UNC5A: variants seen among roughly 807,000 people sequenced by gnomAD.
UNC5A encodes netrin receptor UNC5A.
UNC5A carries 20 observed loss-of-function variants against 87.4 expected under a neutral mutation model. The observed-to-expected ratio is 0.23, with a 90% CI of 0.16 to 0.33. UNC5A has a LOEUF of 0.33. Among genes scored for constraint, UNC5A ranks in the 10% least tolerant of loss-of-function variants. The probability of loss-of-function intolerance (pLI) is 1.00; values close to 1 mark genes in which losing one functional copy is unlikely to be tolerated. For missense variants in UNC5A, 844 were observed against 1,133.4 expected (o/e 0.74, Z 3.67); for synonymous variants, 438 against 482.3 (o/e 0.91, Z 1.20).
intron 1 of UNC5A, among the ~76,000 whole-genome samples, chr5:176,857,500 G>GCACA (rs144381794): frequency 6.6e-6 from 1 of 151,170 alleles, no homozygotes; most frequent in Non-Finnish European, 1.5e-5. Flanking sequence ...CTACACACAC[G>GCACA]CACACACACA....
intron 10 of UNC5A, 56 bp downstream of exon 10, chr5:176,877,759 C>T (rs936230640): frequency 6.5e-7 from 1 of 1,537,424 alleles, no homozygotes; most frequent in Non-Finnish European, 8.8e-7. Context: ...CTGCACGCTC[C>T]ACCCGGCCTT....
chr5:176,878,726 C>G, intron 13 of UNC5A, 87 bp downstream of exon 13: 1 of 1,499,652 alleles, frequency 6.7e-7, no homozygotes, highest in South Asian at 1.3e-5. Context: ...CCCTGCCTGC[C>G]CTGCCACCCA....
chr5:176,870,230 G>C (rs1758076459), intron 5 of UNC5A, 140 bp from the exon 6 acceptor site: 1 of 1,058,046 alleles, frequency 9.5e-7, no homozygotes, highest in Admixed American at 2.7e-5. Context: ...TGCATCGTGG[G>C]CCTGGCCCTG....
Position 176,874,359 on chromosome 5 carries a change from A to G in UNC5A, c.1171A>G (p.Lys391Glu), listed in dbSNP as rs763567432. ...LCPRQDGPSPKFQLTNGHLLS... is the reference protein window; with the variant it reads ...LCPRQDGPSPEFQLTNGHLLS... ...TCCCCGGCAGGATGGGCCCAGCCCC[A>G]AGTTCCAGCTCACCAATGGGCACCT... The change falls in exon 8 of 15, where the codon AAG becomes GAG. Residue 391 changes from lysine (K) to glutamate (E), a missense_variant. Coordinates refer to ENST00000329542, the MANE Select transcript of UNC5A (RefSeq NM_133369.3). This position sits in a 1 kb window ranked among gnomAD's most constrained non-coding sequence, Gnocchi z 7.6. 8.7e-6 allele frequency: 14 copies of G among 1,613,528 alleles called. No individual in the cohort carries two copies. The highest frequency in any genetic ancestry group is 1.7e-5 in the Admixed American group (1 of 59,960).
rs1403464101 is a variant in UNC5A at position 176,810,717 on chromosome 5, C to G, written c.-34C>G. On this transcript the variant is annotated 5_prime_UTR_variant, in exon 1 of 15. Transcript: ENST00000329542. This position sits in a 1 kb window ranked among gnomAD's most constrained non-coding sequence, Gnocchi z 7.3. ...AGCCGCCCTCCCGCCCGCGGGGCCC[C>G]GCGCCCGGCCCGCCCGCCTGCCCGC... 2 of 990,596 alleles carry G rather than the reference C, an allele frequency of 2.0e-6. No individual in the cohort carries two copies. The highest frequency in any genetic ancestry group is 5.5e-5 in the Admixed American group (1 of 18,222). 61.4% of individuals were successfully genotyped at this position (990,596 alleles called of 1,614,324 possible).
chr5:176,825,826 A>G (rs908097692), intron 1 of UNC5A, among the ~76,000 whole-genome samples: 3 of 152,184 alleles, frequency 2.0e-5, no homozygotes, highest in African/African-American at 7.2e-5. Flanking sequence ...CTAGGTGACA[A>G]TGGCACCTGA....
chr5:176,846,543 T>C (rs1757407557), intron 1 of UNC5A, among the ~76,000 whole-genome samples: 1 of 152,196 alleles, frequency 6.6e-6, no homozygotes, highest in Admixed American at 6.5e-5. Context: ...CAGGAAGCCC[T>C]CCTGGATGCC....
At chr5:176,867,330 G>A (rs1469680775) in intron 2 of UNC5A, among the ~76,000 whole-genome samples, 1 of 152,184 alleles carries the variant, frequency 6.6e-6, no homozygotes, top group Admixed American at 6.5e-5. Context: ...ATGGCAGAAG[G>A]TGGGGGGCTG....
chr5:176,868,870 A>T lies in UNC5A; in HGVS notation c.627A>T (p.Arg209=). The change falls in exon 5 of 15, where the codon CGA becomes CGT. Residue 209 remains arginine, a synonymous_variant. Coordinates refer to ENST00000329542, the MANE Select transcript of UNC5A (RefSeq NM_133369.3). The part of the protein sequence containing the change: ...YITREHSLVV[R]QARLADTANY... The stretch of plus-strand genomic sequence containing the variant: ...CGCGGGAGCACAGCCTGGTGGTGCG[A>T]CAGGCCCGCCTTGCTGACACGGCCA... The T allele has an allele frequency of 6.2e-7, 1 of 1,612,894 alleles. No individual in the cohort carries two copies. The highest frequency in any genetic ancestry group is 8.5e-7 in the Non-Finnish European group (1 of 1,179,878).
chr5:176,858,121 T>G (rs560796321), intron 1 of UNC5A, among the ~76,000 whole-genome samples: 1 of 152,326 alleles, frequency 6.6e-6, no homozygotes, highest in South Asian at 2.1e-4. Context: ...ATGCCCGCAT[T>G]AAGCAGCCTT....
chr5:176,823,462 C>T (rs531058185), intron 1 of UNC5A, among the ~76,000 whole-genome samples: 8 of 152,104 alleles, frequency 5.3e-5, no homozygotes, highest in Non-Finnish European at 8.8e-5. Context: ...TAAAGCCAGC[C>T]GTGGCCCAGG....
In UNC5A at chr5:176,873,853, G is replaced by A. The variant is rs1171424141; in HGVS notation, c.887-115G>A. On this transcript the variant is annotated intron_variant, in intron 6 of 14. Coordinates refer to ENST00000329542, the MANE Select transcript of UNC5A (RefSeq NM_133369.3). The stretch of plus-strand genomic sequence containing the variant: ...CCCTGCCACAAGCGTCTGCTCCCTA[G>A]CTAGTGCAGATGCCCCGGGGTGCAG... The A allele has an allele frequency of 1.8e-5, 20 of 1,088,930 alleles. No individual in the cohort carries two copies. In the East Asian group the frequency reaches 4.1e-4, roughly 23 times the overall value. The allele number at this position is 1,088,930 out of a possible 1,614,324, so 67.5% of individuals were successfully genotyped here.
rs1465110314 is a variant in UNC5A at position 176,824,636 on chromosome 5, G to C, written c.70+13816G>C. Among the ~76,000 whole-genome samples, 1 of 152,166 alleles carries C rather than the reference G, an allele frequency of 6.6e-6. No individual in the cohort carries two copies. Among genetic ancestry groups the C allele is most frequent in the African/African-American group, 2.4e-5 (1 of 41,448 alleles). Reference sequence around the variant, plus strand: ...TCTCTTGAAAAAGCAAAAGATCTGGGCTGGGCCCAGCAAGCCCATTTTCCT... The same window carrying C: ...TCTCTTGAAAAAGCAAAAGATCTGGCCTGGGCCCAGCAAGCCCATTTTCCT... On this transcript the variant is annotated intron_variant, in intron 1 of 14. Transcript: ENST00000329542. This position sits in a 1 kb window ranked among gnomAD's most constrained non-coding sequence, Gnocchi z 4.2.
chr5:176,874,655 G>A lies in UNC5A; in HGVS notation c.1378+89G>A, dbSNP rs1418816196. ...GGACGTTCCTCTCGTGCCCCTCGGT[G>A]TCCCGTGACAGATCAGCAAGGAAAG... is the stretch of plus-strand genomic sequence containing the variant. On this transcript the variant is annotated intron_variant, in intron 8 of 14. Coordinates refer to ENST00000329542, the MANE Select transcript of UNC5A (RefSeq NM_133369.3). This position sits in a 1 kb window ranked among gnomAD's most constrained non-coding sequence, Gnocchi z 7.6. The A allele has an allele frequency of 7.1e-7, 1 of 1,404,884 alleles. No homozygotes were observed. Among genetic ancestry groups the A allele is most frequent in the Non-Finnish European group, 9.5e-7 (1 of 1,050,908 alleles). 87.0% of individuals were successfully genotyped at this position (1,404,884 alleles called of 1,614,324 possible).
At chr5:176,864,092 G>T (rs1047579942) in intron 2 of UNC5A, among the ~76,000 whole-genome samples, 3 of 151,878 alleles carry the variant, frequency 2.0e-5, no homozygotes, top group South Asian at 4.2e-4. Flanking sequence ...GGACAAGCAG[G>T]TGTCACCCAG....
chr5:176,831,387 A>C (rs1404688246), intron 1 of UNC5A, among the ~76,000 whole-genome samples: 1 of 151,986 alleles, frequency 6.6e-6, no homozygotes, highest in Non-Finnish European at 1.5e-5. Flanking sequence ...GGGACCTGGC[A>C]CCCCTTTTGT....
At chr5:176,850,547 G>T (rs944861920) in intron 1 of UNC5A, among the ~76,000 whole-genome samples, 1 of 152,106 alleles carries the variant, frequency 6.6e-6, no homozygotes, top group East Asian at 1.9e-4. Flanking sequence ...GGCGCAGGCA[G>T]CGAGGGTGGG....
chr5:176,876,336 C>T (rs896268040), intron 8 of UNC5A, among the ~76,000 whole-genome samples: 2 of 152,296 alleles, frequency 1.3e-5, no homozygotes, highest in African/African-American at 2.4e-5. Flanking sequence ...CCCTGCTCTG[C>T]GCTGCCCACG....
chr5:176,847,003 C>T (rs936037989), intron 1 of UNC5A, among the ~76,000 whole-genome samples: 4 of 152,114 alleles, frequency 2.6e-5, no homozygotes, highest in Admixed American at 6.5e-5. Context: ...CCACAGGGAG[C>T]GCCCCCGTCA....
Sources: allele counts gnomAD v4.1 joint callset (sites outside exome capture counted in the v4.1 genomes callset), GRCh38; gene constraint gnomAD v4.1.1; non-coding constraint Gnocchi (gnomAD v3.1); transcripts MANE v1.5; gene names NCBI Gene and HGNC (gene_info 2026-07-23, HGNC 2026-07-21).